MROH7: variants seen among roughly 807,000 people sequenced by gnomAD.
MROH7 encodes maestro heat like repeat family member 7.
A neutral mutation model predicts 129.2 loss-of-function variants in MROH7; 113 were observed. The ratio of observed to expected loss-of-function variants is 0.87; its 90% confidence interval spans 0.75 to 1.02. The LOEUF is 1.02. Ranked by LOEUF, MROH7 falls within the 50% of genes least tolerant of loss-of-function variation. The pLI, the probability that MROH7 is intolerant of heterozygous loss-of-function variation, is 0.00. For missense variants in MROH7, 1,601 were observed against 1,671.3 expected, an observed-to-expected ratio of 0.96 and a Z score of 0.73; for synonymous variants, 655 against 667.9, an observed-to-expected ratio of 0.98 and a Z score of 0.30.
chr1:54,645,650 TC>T (rs1434923256), intron 1 of MROH7, among the ~76,000 whole-genome samples: 1 of 66,686 alleles, frequency 1.5e-5, no homozygotes, highest in African/African-American at 7.1e-5. Context: ...TTTCTTTCTT[TC>T]TTTCTTTTTT....
intron 7 of MROH7, 124 bp downstream of exon 7, chr1:54,671,053 G>A: frequency 1.8e-6 from 2 of 1,102,240 alleles, no homozygotes; most frequent in Non-Finnish European, 2.5e-6. Flanking sequence ...CTGTTGGTCT[G>A]AGTAGGTACT....
At chr1:54,682,841 C>T (rs1327642831) in intron 14 of MROH7, 47 bp downstream of exon 14, 1 of 1,588,346 alleles carries the variant, frequency 6.3e-7, no homozygotes, top group South Asian at 1.1e-5. Flanking sequence ...TCCTGCCCTT[C>T]CTCTCTCCTT....
intron 17 of MROH7, among the ~76,000 whole-genome samples, chr1:54,696,366 G>C (rs1441052287): frequency 6.6e-6 from 1 of 152,100 alleles, no homozygotes; most frequent in African/African-American, 2.4e-5. Context: ...TAGGTGTACA[G>C]TCCAATGACA....
At position 54,692,461 on chromosome 1, in the gene MROH7, A is replaced by T. The variant is rs1557721334; in HGVS notation, c.2749A>T (p.Met917Leu). Residue 917 changes from methionine (M) to leucine (L), a missense_variant, in exon 16 of 24, where the codon ATG becomes TTG. Physicochemically the swap from Met to Leu is conservative, Grantham distance 15. Coordinates refer to ENST00000421030, the MANE Select transcript of MROH7 (RefSeq NM_001039464.4). ...VKVVKTLLLR[M>L]GCSYETTFLE... is the part of the protein sequence containing the mutation. ...AGTGGTGAAAACCCTGCTACTGAGGATGGGCTGCTCTTATGAGACCACGTT... is the reference window on the plus strand; with the variant it reads ...AGTGGTGAAAACCCTGCTACTGAGGTTGGGCTGCTCTTATGAGACCACGTT... 6.2e-7 allele frequency: 1 copy of T among 1,613,952 alleles called. No homozygotes were observed. The highest frequency in any genetic ancestry group is 8.5e-7 in the Non-Finnish European group (1 of 1,179,978).
chr1:54,689,899 G>A (rs1645207047), intron 15 of MROH7, among the ~76,000 whole-genome samples: 1 of 152,122 alleles, frequency 6.6e-6, no homozygotes, highest in Admixed American at 6.5e-5. Context: ...GGAAGAATAA[G>A]GCAGGAGGGT....
intron 8 of MROH7, among the ~76,000 whole-genome samples, chr1:54,673,419 ACC>A (rs1224476877): frequency 2.6e-5 from 4 of 151,876 alleles, no homozygotes; most frequent in Non-Finnish European, 5.9e-5. Context: ...TATAGCTGCC[ACC>A]ATCTCTGTGC....
intron 17 of MROH7, chr1:54,695,760 A>G (rs1447637569): frequency 4.1e-6 from 2 of 482,440 alleles, no homozygotes; most frequent in South Asian, 2.0e-5. Context: ...GGCACGAGAC[A>G]TATAAATGTG....
rs548237930 is a variant in MROH7 at position 54,650,120 on chromosome 1, C to T, written c.-109-1829C>T. 3.3e-5 allele frequency among the ~76,000 whole-genome samples: 5 copies of T among 152,264 alleles called. No individual in the cohort carries two copies. In the South Asian group the frequency reaches 8.3e-4, roughly 25 times the overall value. ...AGAGAGGAATAAAACAAGTAGCTAC[C>T]ATTTAGTTAAGGGCTTCGGTGGGCC... On this transcript the variant is annotated intron_variant, in intron 1 of 23. Coordinates refer to ENST00000421030, the MANE Select transcript of MROH7 (RefSeq NM_001039464.4).
chr1:54,700,588 G>A, intron 18 of MROH7, 127 bp downstream of exon 18: 1 of 883,466 alleles, frequency 1.1e-6, no homozygotes, highest in Non-Finnish European at 1.7e-6. Context: ...CTTAGCCTCA[G>A]TTGTCCCATC....
At chr1:54,700,574 C>G in intron 18 of MROH7, 113 bp downstream of exon 18, 1 of 1,019,440 alleles carries the variant, frequency 9.8e-7, no homozygotes, top group Non-Finnish European at 1.4e-6. Context: ...GACATCATTT[C>G]TATCTTAGCC....
In MROH7 at chr1:54,674,018, G is replaced by T. The variant is rs200190307; in HGVS notation, c.1803G>T (p.Met601Ile). The T allele has an allele frequency of 4.0e-5, 65 of 1,613,602 alleles. No individual in the cohort carries two copies. Among genetic ancestry groups the T allele is most frequent in the Non-Finnish European group, 5.0e-5 (59 of 1,179,886 alleles). The change falls in exon 10 of 24, where the codon ATG becomes ATT. Residue 601 changes from methionine (M) to isoleucine (I), a missense_variant and splice_region_variant. By Grantham distance (10) the Met-to-Ile change is conservative. Transcript: ENST00000421030. ...NHMLLTLPFF[M>I]PLGFPALGLL... ...CCCTAAGATTGCAATACAAACAGAT[G>T]CCCTTGGGGTTCCCGGCGCTGGGGC...
chr1:54,700,719 T>TA (rs1645422015), intron 18 of MROH7, among the ~76,000 whole-genome samples: 1 of 152,254 alleles, frequency 6.6e-6, no homozygotes, highest in Admixed American at 6.5e-5. Flanking sequence ...GTGGCACAAG[T>TA]ATTCCTATTT....
intron 17 of MROH7, chr1:54,695,737 C>T: frequency 1.8e-6 from 1 of 541,964 alleles, no homozygotes; most frequent in South Asian, 1.9e-5. Context: ...TTGCTGGGCA[C>T]CTCTGTGTGT....
intron 17 of MROH7, chr1:54,699,112 T>TTC (rs1645374728): frequency 1.3e-5 from 1 of 79,234 alleles, no homozygotes; most frequent in African/African-American, 4.7e-5. Flanking sequence ...CTTTCTTTCT[T>TTC]TCTTTCTTTC....
At chr1:54,693,859 C>A (rs1448737175) in intron 16 of MROH7, among the ~76,000 whole-genome samples, 1 of 152,314 alleles carries the variant, frequency 6.6e-6, no homozygotes, top group Admixed American at 6.5e-5. Flanking sequence ...TAATCCTCAC[C>A]GTGACTGATG....
intron 3 of MROH7, among the ~76,000 whole-genome samples, chr1:54,657,046 A>AT (rs1644660401): frequency 7.3e-6 from 1 of 137,202 alleles, no homozygotes; most frequent in African/African-American, 2.7e-5. Context: ...AATTCTCACC[A>AT]TCTTTTTTTT....
At chr1:54,656,869 A>G (rs1485319879) in intron 3 of MROH7, among the ~76,000 whole-genome samples, 2 of 151,926 alleles carry the variant, frequency 1.3e-5, no homozygotes, top group African/African-American at 4.8e-5. Flanking sequence ...CAGTTTTTTA[A>G]TTGTGGTAAA....
intron 15 of MROH7, among the ~76,000 whole-genome samples, chr1:54,687,722 A>G (rs1308473399): frequency 6.6e-6 from 1 of 152,086 alleles, no homozygotes; most frequent in African/African-American, 2.4e-5. Flanking sequence ...CCAGCAGTGT[A>G]TGAGTATCTA....
Position 54,703,240 on chromosome 1 carries a change from AT to A in MROH7, c.3564+496del, listed in dbSNP as rs1322502291. Among the ~76,000 whole-genome samples, 1 of 152,040 alleles carries A rather than the reference AT, an allele frequency of 6.6e-6. No individual in the cohort carries two copies. The highest frequency in any genetic ancestry group is 1.9e-4 in the East Asian group (1 of 5,188). On this transcript the variant is annotated intron_variant, in intron 21 of 23. Transcript: ENST00000421030. The surrounding 1 kb of genome is among the most constrained non-coding windows in gnomAD (Gnocchi z 4.4). ...AAGGGGTCTCCCAGCCTTTAACTCCATCCCCTCCAATCCATTTCCCACCCAG... is the reference window on the plus strand; with the variant it reads ...AAGGGGTCTCCCAGCCTTTAACTCCACCCCTCCAATCCATTTCCCACCCAG...
Sources: gnomAD v4.1 joint callset for allele counts (sites outside exome capture counted in the v4.1 genomes callset) on GRCh38, gnomAD v4.1.1 for gene constraint, Gnocchi (gnomAD v3.1) non-coding constraint, MANE v1.5 for transcripts, NCBI Gene and HGNC (gene_info 2026-07-23, HGNC 2026-07-21) for gene names.